NCKAP5: variants seen among roughly 807,000 people sequenced by gnomAD.
The protein encoded by NCKAP5 is nck-associated protein 5.
NCKAP5 carries 92 observed loss-of-function variants against 167.0 expected under a neutral mutation model. The ratio of observed to expected loss-of-function variants is 0.55; its 90% CI spans 0.47 to 0.66. NCKAP5 has a LOEUF of 0.66. NCKAP5 is among the 30% of genes least tolerant of loss of function. The pLI, the probability that NCKAP5 is intolerant of heterozygous loss-of-function variation, is 0.00. For missense variants in NCKAP5, 2,378 were observed against 2,315.0 expected (o/e 1.03, Z -0.56); for synonymous variants, 891 against 877.4 (o/e 1.02, Z -0.27).
At position 132,728,881 on chromosome 2, in the gene NCKAP5, C is replaced by T; in HGVS notation, c.5515G>A (p.Glu1839Lys). The T allele has an allele frequency of 6.2e-7, 1 of 1,613,988 alleles. No homozygotes were observed. Among genetic ancestry groups the T allele is most frequent in the Non-Finnish European group, 8.5e-7 (1 of 1,179,868 alleles). Residue 1839 changes from glutamate (E) to lysine (K), a missense_variant, in exon 18 of 20, where the codon GAA becomes AAA. Transcript: ENST00000409261. ...AGCGGCTGGCTTGCCATTGGGTCTT[C>T]AGCATATCCGAATGATGAGCATGTC... is the stretch of plus-strand genomic sequence containing the variant. ...PQTCSSFGYA[E>K]DPMASQPLPD...
chr2:133,358,945 A>G (rs1684916478), intron 3 of NCKAP5, among the ~76,000 whole-genome samples: 1 of 152,246 alleles, frequency 6.6e-6, no homozygotes, highest in African/African-American at 2.4e-5. Flanking sequence ...TAAACTTGAC[A>G]CTATTTGCAT....
chr2:133,526,098 G>T (rs1279238195), intron 2 of NCKAP5, among the ~76,000 whole-genome samples: 1 of 151,238 alleles, frequency 6.6e-6, no homozygotes. Flanking sequence ...TTTGTCCCAG[G>T]CCCTGTGTTA....
At chr2:132,680,960 C>T (rs979748002) in intron 19 of NCKAP5, among the ~76,000 whole-genome samples, 2 of 152,176 alleles carry the variant, frequency 1.3e-5, no homozygotes, top group African/African-American at 4.8e-5. Context: ...CGTAGGTTGA[C>T]TGCCTTTAAT....
rs1448628640 is a variant in NCKAP5, at chr2:132,782,720, C to T, written c.4091G>A (p.Ser1364Asn). Reference protein sequence around the residue: ...SSGSFSSQHGSPSKLPLRIPP... With the variant: ...SSGSFSSQHGNPSKLPLRIPP... ...GATCCTCAAAGGCAACTTACTTGGG[C>T]TCCCATGCTGACTGCTGAAGCTGCC... is the stretch of plus-strand genomic sequence containing the variant. The change falls in exon 14 of 20, where the codon AGC becomes AAC. Residue 1364 changes from serine to asparagine, a missense_variant. Around this residue, in one of 3 missense-constraint regions of NCKAP5, gnomAD observed 1,325 missense variants for 1,274.5 expected, o/e 1.04. Coordinates refer to ENST00000409261, the MANE Select transcript of NCKAP5 (RefSeq NM_207363.3). The T allele has an allele frequency of 6.2e-7, 1 of 1,613,892 alleles. No individual in the cohort carries two copies. The highest frequency in any genetic ancestry group is 8.5e-7 in the Non-Finnish European group (1 of 1,179,906).
chr2:133,623,133 C>T, the NCKAP5 span, among the ~76,000 whole-genome samples: 1 of 152,144 alleles, frequency 6.6e-6, no homozygotes, highest in African/African-American at 2.4e-5. Flanking sequence ...CATCTCTCAC[C>T]TTATACAAAA....
intron 19 of NCKAP5, among the ~76,000 whole-genome samples, chr2:132,714,556 G>A (rs1443641923): frequency 6.6e-6 from 1 of 152,136 alleles, no homozygotes; most frequent in Non-Finnish European, 1.5e-5. Flanking sequence ...AGTGGCTCAT[G>A]CCTGTAATCC....
rs146338956 is a variant in NCKAP5 at position 133,063,110 on chromosome 2, C to T, written c.341+66868G>A. On this transcript the variant is annotated intron_variant, in intron 6 of 19. Transcript: ENST00000409261. ...TCAGAGAAGCAAAGCAAGGTTGATG[C>T]AATCCACACAAAAAGAGAGATCTGA... Among the ~76,000 whole-genome samples, 177 of 152,230 alleles carry T rather than the reference C, an allele frequency of 1.2e-3. 3 individuals carry two copies. In the East Asian group the frequency reaches 0.025, roughly 21 times the overall value.
intron 4 of NCKAP5, among the ~76,000 whole-genome samples, chr2:133,232,279 C>CT (rs1222204633): frequency 6.6e-6 from 1 of 152,118 alleles, no homozygotes; most frequent in Non-Finnish European, 1.5e-5. Flanking sequence ...TGGCAACACT[C>CT]TATCTCTAAA....
chr2:133,159,598 T>C (rs1299843996), intron 5 of NCKAP5, among the ~76,000 whole-genome samples: 1 of 152,186 alleles, frequency 6.6e-6, no homozygotes. Context: ...AAGTACAATA[T>C]GCAGGGTTGG....
intron 11 of NCKAP5, among the ~76,000 whole-genome samples, chr2:132,825,168 C>T (rs1428018167): frequency 6.6e-6 from 1 of 152,202 alleles, no homozygotes; most frequent in East Asian, 1.9e-4. Context: ...TAATGTTACA[C>T]AGCTATCCTC....
chr2:132,721,050 C>T (rs1689873744), intron 19 of NCKAP5, among the ~76,000 whole-genome samples: 1 of 151,418 alleles, frequency 6.6e-6, no homozygotes, highest in South Asian at 2.1e-4. Context: ...TAGCTCATGC[C>T]TGTATTCCCA....
In NCKAP5 at chr2:133,236,524, C is replaced by T. The variant is rs77433773; in HGVS notation, c.144-22745G>A. ...ACTGTTCTCTTAGGTGTCTGACAAA[C>T]ACCACAACTAAAAATATCAAACTGA... On this transcript the variant is annotated intron_variant, in intron 4 of 19. Coordinates refer to ENST00000409261, the MANE Select transcript of NCKAP5 (RefSeq NM_207363.3). Among the ~76,000 whole-genome samples, 561 of 152,190 alleles carry T rather than the reference C, an allele frequency of 3.7e-3. 3 individuals carry two copies. The highest frequency in any genetic ancestry group is 0.013 in the African/African-American group (536 of 41,526).
rs781396410 is a variant in NCKAP5, at chr2:132,784,208, T to C, written c.2603A>G (p.His868Arg). 6.4e-7 allele frequency: 1 copy of C among 1,570,290 alleles called. No individual in the cohort carries two copies. Among genetic ancestry groups the C allele is most frequent in the South Asian group, 1.2e-5 (1 of 83,308 alleles). Reference sequence around the variant, plus strand: ...GGAGCTGTGCGGAAGTTGGGCGGAATGTTTTGGAATGTGTGGATCTGATCG... The same window carrying C: ...GGAGCTGTGCGGAAGTTGGGCGGAACGTTTTGGAATGTGTGGATCTGATCG... ...ELRSDPHIPKHSAQLPHSSRM... is the reference protein window; with the variant it reads ...ELRSDPHIPKRSAQLPHSSRM... The change falls in exon 14 of 20, where the codon CAT (histidine) becomes CGT (arginine). Residue 868 changes from histidine to arginine, a missense_variant. Coordinates refer to ENST00000409261, the MANE Select transcript of NCKAP5 (RefSeq NM_207363.3).
At chr2:133,042,841 C>T (rs550039727) in intron 6 of NCKAP5, among the ~76,000 whole-genome samples, 1 of 152,172 alleles carries the variant, frequency 6.6e-6, no homozygotes, top group African/African-American at 2.4e-5. Context: ...CTCTCTATTT[C>T]ATCTTGTGTC....
chr2:133,032,443 TA>T (rs1206709283), intron 6 of NCKAP5, among the ~76,000 whole-genome samples: 2 of 152,184 alleles, frequency 1.3e-5, no homozygotes, highest in African/African-American at 4.8e-5. Context: ...TCAGCCACAG[TA>T]CAATAGAACA....
the NCKAP5 span, among the ~76,000 whole-genome samples, chr2:133,629,692 T>C: frequency 6.6e-6 from 1 of 152,208 alleles, no homozygotes; most frequent in East Asian, 1.9e-4. Flanking sequence ...ATGTTCAATG[T>C]GGCACTATTC....
chr2:133,590,437 T>C, the NCKAP5 span, among the ~76,000 whole-genome samples: 1 of 147,164 alleles, frequency 6.8e-6, no homozygotes, highest in South Asian at 2.1e-4. Flanking sequence ...GGCAGGAGAA[T>C]GGCGTGAACC....
At position 133,130,031 on chromosome 2, in the gene NCKAP5, T is replaced by C. The variant is rs2082543268; in HGVS notation, c.288A>G (p.Leu96=). Reference sequence around the variant, plus strand: ...TCTGAATTCTGTTGCGTTCAGACTCTAGGGTCACCTCCTGCAACCGCTTCT... The same window carrying C: ...TCTGAATTCTGTTGCGTTCAGACTCCAGGGTCACCTCCTGCAACCGCTTCT... ...QSEKRLQEVT[L]ESERNRIQMR... The change falls in exon 6 of 20, where the codon CTA becomes CTG. Residue 96 remains leucine (L), a synonymous_variant. Transcript: ENST00000409261. The C allele has an allele frequency of 5.6e-6, 9 of 1,611,554 alleles. No individual in the cohort carries two copies. Among genetic ancestry groups the C allele is most frequent in the Non-Finnish European group, 7.6e-6 (9 of 1,179,068 alleles).
intron 3 of NCKAP5, among the ~76,000 whole-genome samples, chr2:133,390,846 G>C (rs1257931007): frequency 6.6e-6 from 1 of 152,236 alleles, no homozygotes; most frequent in Middle Eastern, 3.2e-3. Context: ...AGTGATTCCA[G>C]TGTGTATTCA....
Sources: allele counts gnomAD v4.1 joint callset (sites outside exome capture counted in the v4.1 genomes callset), GRCh38; gene constraint gnomAD v4.1.1; regional missense constraint gnomAD v4.1.1; transcripts MANE v1.5; gene names NCBI Gene and HGNC (gene_info 2026-07-23, HGNC 2026-07-21).